Variants in MRPS27 observed in about 807,000 individuals in gnomAD.
MRPS27 encodes small ribosomal subunit protein mS27.
MRPS27 carries 43 observed loss-of-function variants against 48.9 expected under a neutral mutation model. The observed-to-expected ratio is 0.88, with a 90% CI of 0.69 to 1.13. MRPS27 has a LOEUF of 1.13. Ranked by LOEUF, MRPS27 falls within the 50% of genes most tolerant of loss-of-function variation. The pLI, the probability that MRPS27 is intolerant of heterozygous loss-of-function variation, is 0.00. For missense variants in MRPS27, 467 were observed against 476.3 expected (o/e 0.98, Z 0.18); for synonymous variants, 188 against 171.9 (o/e 1.09, Z -0.73).
At chr5:72,240,794 C>T (rs1002118224) in intron 4 of MRPS27, among the ~76,000 whole-genome samples, 36 of 152,200 alleles carry the variant, frequency 2.4e-4, no homozygotes, top group African/African-American at 8.7e-4. Context: ...CTTTTCTTCT[C>T]AAAAACCCTT....
rs745434090 is a variant in MRPS27, at chr5:72,314,090, A to T, written c.142T>A (p.Tyr48Asn). ...TCCAATAGGTACCTACCAAGACAGT[A>T]ATGTTCTTTTTCTCTTGCTTCCCAT... is the stretch of plus-strand genomic sequence containing the variant. ...HKWEAREKEH[Y>N]CLADLASLMD... is the part of the protein sequence containing the mutation. Residue 48 changes from tyrosine (Y) to asparagine (N), a missense_variant, in exon 2 of 11, where the codon TAC (tyrosine) becomes AAC (asparagine). Coordinates refer to ENST00000261413, the MANE Select transcript of MRPS27 (RefSeq NM_015084.3). 15 of 1,612,202 alleles carry T rather than the reference A, an allele frequency of 9.3e-6. No individual in the cohort carries two copies. In the East Asian group the frequency reaches 3.4e-4, roughly 36 times the overall value.
At chr5:72,239,266 G>C (rs1420197350) in intron 4 of MRPS27, among the ~76,000 whole-genome samples, 1 of 152,080 alleles carries the variant, frequency 6.6e-6, no homozygotes, top group Non-Finnish European at 1.5e-5. Context: ...ATCTGCTATT[G>C]GGATAGTTTC....
chr5:72,248,673 A>G (rs1482998531), intron 4 of MRPS27, among the ~76,000 whole-genome samples: 1 of 132,354 alleles, frequency 7.6e-6, no homozygotes, highest in Non-Finnish European at 1.6e-5. Flanking sequence ...TTCATTTAAA[A>G]AAAAAAAAAA....
At chr5:72,281,091 G>A (rs113486928) in intron 4 of MRPS27, among the ~76,000 whole-genome samples, 9 of 152,318 alleles carry the variant, frequency 5.9e-5, no homozygotes, top group South Asian at 2.1e-4. Context: ...GGGGTGGTGC[G>A]GATGGTTAGG....
chr5:72,230,957 C>G (rs1748051172), intron 7 of MRPS27, among the ~76,000 whole-genome samples: 1 of 152,074 alleles, frequency 6.6e-6, no homozygotes, highest in African/African-American at 2.4e-5. Flanking sequence ...CTACCATTAT[C>G]CCTTGCTGAG....
At chr5:72,244,211 G>C (rs1182253389) in intron 4 of MRPS27, among the ~76,000 whole-genome samples, 1 of 152,084 alleles carries the variant, frequency 6.6e-6, no homozygotes, top group Non-Finnish European at 1.5e-5. Flanking sequence ...AGGGTGATGA[G>C]TAAGTAGATT....
chr5:72,286,621 G>T (rs944251292), intron 4 of MRPS27, among the ~76,000 whole-genome samples: 6 of 151,676 alleles, frequency 4.0e-5, no homozygotes, highest in Non-Finnish European at 8.8e-5. Flanking sequence ...AAAGTATTTT[G>T]CTCAACCGTT....
At chr5:72,224,383 A>G (rs886981491) in intron 9 of MRPS27, among the ~76,000 whole-genome samples, 1 of 152,164 alleles carries the variant, frequency 6.6e-6, no homozygotes. Flanking sequence ...AAAATGCCAA[A>G]TAAGCGAGCT....
intron 4 of MRPS27, among the ~76,000 whole-genome samples, chr5:72,283,428 G>C (rs1190178220): frequency 2.6e-5 from 4 of 152,202 alleles, no homozygotes; most frequent in Admixed American, 2.6e-4. Flanking sequence ...TGGGCTAGCT[G>C]ATGAGCTTCT....
At chr5:72,294,297 C>T (rs548438727) in intron 4 of MRPS27, among the ~76,000 whole-genome samples, 2 of 151,898 alleles carry the variant, frequency 1.3e-5, no homozygotes, top group South Asian at 4.2e-4. Context: ...AAAAACTACT[C>T]CCCAAAAAAC....
At chr5:72,284,317 G>C (rs1037416099) in intron 4 of MRPS27, among the ~76,000 whole-genome samples, 7 of 151,456 alleles carry the variant, frequency 4.6e-5, no homozygotes, top group African/African-American at 1.7e-4. Context: ...CTAGCTACCT[G>C]GGAGGCTGAG....
At chr5:72,279,077 A>T (rs1323352316) in intron 4 of MRPS27, among the ~76,000 whole-genome samples, 1 of 152,244 alleles carries the variant, frequency 6.6e-6, no homozygotes, top group Non-Finnish European at 1.5e-5. Flanking sequence ...CTACTCTTCA[A>T]GGTGACTATA....
intron 1 of MRPS27, among the ~76,000 whole-genome samples, chr5:72,315,627 A>G (rs1409138734): frequency 6.6e-6 from 1 of 152,154 alleles, no homozygotes; most frequent in Non-Finnish European, 1.5e-5. Context: ...TCATAAGGAC[A>G]GATGCTTAAC....
rs1199746270 is a variant in MRPS27 at position 72,298,919 on chromosome 5, T to G, written c.152-1217A>C. Among the ~76,000 whole-genome samples, 7 of 149,914 alleles carry G rather than the reference T, an allele frequency of 4.7e-5. No homozygotes were observed. The East Asian group carries it at 1.4e-3, about 30-fold the overall frequency. ...CAGAAAATATGGTACATATACACCATGAAATACTACACAGCCATAAAAAAA... is the reference window on the plus strand; with the variant it reads ...CAGAAAATATGGTACATATACACCAGGAAATACTACACAGCCATAAAAAAA... On this transcript the variant is annotated intron_variant, in intron 2 of 10. Transcript: ENST00000261413.
At position 72,244,319 on chromosome 5, in the gene MRPS27, G is replaced by C. The variant is rs138703552; in HGVS notation, c.282-6191C>G. Among the ~76,000 whole-genome samples the C allele has an allele frequency of 6.6e-3, 1,000 of 152,262 alleles. 10 individuals are homozygous for C. Among genetic ancestry groups the C allele is most frequent in the African/African-American group, 0.023 (957 of 41,542 alleles). On this transcript the variant is annotated intron_variant, in intron 4 of 10. Transcript: ENST00000261413. Reference sequence around the variant, plus strand: ...TTTTTTGAAATGAAGATAGATAACAGAGGGACTTGTTAGATATCAAAGTCT... The same window carrying C: ...TTTTTTGAAATGAAGATAGATAACACAGGGACTTGTTAGATATCAAAGTCT...
In MRPS27 at chr5:72,220,227, A is replaced by G. The variant is rs547265217; in HGVS notation, c.*682T>C. Reference sequence around the variant, plus strand: ...GGCTGGGGAGAGGGAGACCATTCAAAAGCCTGTGCTTGGCCGGGTGTGGTG... The same window carrying G: ...GGCTGGGGAGAGGGAGACCATTCAAGAGCCTGTGCTTGGCCGGGTGTGGTG... On this transcript the variant is annotated 3_prime_UTR_variant, in exon 11 of 11. Coordinates refer to ENST00000261413, the MANE Select transcript of MRPS27 (RefSeq NM_015084.3). 6.5e-6 allele frequency: 1 copy of G among 153,266 alleles called. No individual in the cohort carries two copies. Among genetic ancestry groups the G allele is most frequent in the African/African-American group, 2.4e-5 (1 of 41,590 alleles). The allele number at this position is 153,266 out of a possible 1,614,324, so 9.5% of individuals were successfully genotyped here. A position where few individuals can be genotyped will look rare whatever the true frequency, so the allele number is the denominator to read the frequency against.
intron 8 of MRPS27, 95 bp downstream of exon 8, chr5:72,228,171 G>T: frequency 2.7e-6 from 3 of 1,131,328 alleles, no homozygotes; most frequent in Non-Finnish European, 2.6e-6. Flanking sequence ...GATTTCACTG[G>T]TAAATTTAAA....
chr5:72,309,422 C>G (rs979843393), intron 2 of MRPS27, among the ~76,000 whole-genome samples: 1 of 152,024 alleles, frequency 6.6e-6, no homozygotes, highest in African/African-American at 2.4e-5. Flanking sequence ...TGCGCCACCA[C>G]GCCCGGCTAT....
At chr5:72,233,287 T>C (rs1395167325) in intron 6 of MRPS27, among the ~76,000 whole-genome samples, 1 of 152,164 alleles carries the variant, frequency 6.6e-6, no homozygotes, top group Non-Finnish European at 1.5e-5. Flanking sequence ...CATTAAAGCC[T>C]GGAGAGCAGG....
Sources: allele counts gnomAD v4.1 joint callset (sites outside exome capture counted in the v4.1 genomes callset), GRCh38; gene constraint gnomAD v4.1.1; transcripts MANE v1.5; gene names NCBI Gene and HGNC (gene_info 2026-07-23, HGNC 2026-07-21).